PACRG: variants seen among roughly 807,000 people sequenced by gnomAD.
PACRG encodes parkin coregulated gene protein.
PACRG carries 29 observed loss-of-function variants against 29.7 expected under a neutral mutation model. The ratio of observed to expected loss-of-function variants is 0.98; its 90% CI spans 0.73 to 1.33. The LOEUF (loss-of-function observed/expected upper bound fraction) is 1.33, where lower values mean the gene tolerates loss of function less well. Among genes scored for constraint, PACRG ranks in the 40% most tolerant of loss-of-function variants. The pLI is 0.00. For missense variants in PACRG, 279 were observed against 316.2 expected (o/e 0.88, Z 0.89); for synonymous variants, 116 against 118.7 (o/e 0.98, Z 0.15).
intron 2 of PACRG, among the ~76,000 whole-genome samples, chr6:163,010,105 C>T (rs1054536864): frequency 2.0e-5 from 3 of 151,994 alleles, no homozygotes; most frequent in Non-Finnish European, 4.4e-5. Context: ...ACTGCGATTC[C>T]CTTAGCAACA....
chr6:162,773,494 ATTTTTTTTTTTTTTTTTTTT>A (rs71008110), intron 1 of PACRG, among the ~76,000 whole-genome samples: 9 of 66,000 alleles, frequency 1.4e-4, no homozygotes, highest in African/African-American at 3.3e-4. Flanking sequence ...ACAGCTTGTC[ATTTTTTTTTTTTTTTTTTTT>A]TTTTTTTTTT....
At chr6:162,979,875 A>T (rs574563640) in intron 2 of PACRG, among the ~76,000 whole-genome samples, 34 of 152,114 alleles carry the variant, frequency 2.2e-4, no homozygotes, top group Non-Finnish European at 4.1e-4. Flanking sequence ...TAAATAAAAT[A>T]AATTCACAGG....
chr6:162,754,547 C>A (rs895277618), intron 1 of PACRG, among the ~76,000 whole-genome samples: 1 of 151,948 alleles, frequency 6.6e-6, no homozygotes, highest in Non-Finnish European at 1.5e-5. Flanking sequence ...CTGCCCAGAC[C>A]AATGTTGTGG....
At chr6:162,970,586 A>G (rs1166473809) in intron 2 of PACRG, among the ~76,000 whole-genome samples, 2 of 152,156 alleles carry the variant, frequency 1.3e-5, no homozygotes, top group Non-Finnish European at 1.5e-5. Context: ...ATCGTGCCAA[A>G]TAGATATCAG....
At chr6:163,248,796 C>T (rs1393390830) in intron 4 of PACRG, among the ~76,000 whole-genome samples, 1 of 152,104 alleles carries the variant, frequency 6.6e-6, no homozygotes, top group Non-Finnish European at 1.5e-5. Flanking sequence ...GGCCAGATCA[C>T]GAGGTCAGGA....
intron 2 of PACRG, among the ~76,000 whole-genome samples, chr6:163,059,973 T>A (rs1810958317): frequency 6.6e-6 from 1 of 152,176 alleles, no homozygotes; most frequent in South Asian, 2.1e-4. Flanking sequence ...AAATTTAAGT[T>A]TGGAAATGTT....
At chr6:162,988,228 C>T (rs971766783) in intron 2 of PACRG, among the ~76,000 whole-genome samples, 1 of 152,092 alleles carries the variant, frequency 6.6e-6, no homozygotes, top group South Asian at 2.1e-4. Context: ...TCTCTGAGTC[C>T]AGGAGCAATT....
chr6:162,922,521 T>TAGCGG (rs957893503), intron 2 of PACRG, among the ~76,000 whole-genome samples: 6 of 152,032 alleles, frequency 3.9e-5, no homozygotes, highest in Non-Finnish European at 8.8e-5. Context: ...TCCTCCTATG[T>TAGCGG]AGCTATAATT....
At chr6:163,181,827 G>T (rs189620226) in intron 4 of PACRG, among the ~76,000 whole-genome samples, 1 of 152,064 alleles carries the variant, frequency 6.6e-6, no homozygotes, top group Non-Finnish European at 1.5e-5. Flanking sequence ...CAGCCAGCTC[G>T]GAATGGAAGG....
At chr6:163,148,802 C>G (rs1006380547) in intron 4 of PACRG, among the ~76,000 whole-genome samples, 2 of 152,128 alleles carry the variant, frequency 1.3e-5, no homozygotes, top group Non-Finnish European at 2.9e-5. Context: ...ATACCTTCCT[C>G]TCTCCTGAAC....
At chr6:163,126,653 G>A (rs556915144) in intron 4 of PACRG, among the ~76,000 whole-genome samples, 4 of 152,230 alleles carry the variant, frequency 2.6e-5, no homozygotes, top group Non-Finnish European at 5.9e-5. Context: ...GGGCACTGCA[G>A]AGGTGAAAAT....
chr6:162,865,751 A>G (rs1792241698), intron 2 of PACRG, among the ~76,000 whole-genome samples: 1 of 152,200 alleles, frequency 6.6e-6, no homozygotes, highest in Non-Finnish European at 1.5e-5. Context: ...GGCTCGAATT[A>G]ACTGGAACAT....
At chr6:163,156,628 G>T (rs146383337) in intron 4 of PACRG, among the ~76,000 whole-genome samples, 2,272 of 152,260 alleles carry the variant, frequency 0.015, 30 homozygotes, top group Non-Finnish European at 0.025. Context: ...ACAGAGTTGG[G>T]GGCCTAAAAC....
intron 4 of PACRG, among the ~76,000 whole-genome samples, chr6:163,110,686 C>G (rs1048069716): frequency 6.6e-6 from 1 of 152,236 alleles, no homozygotes; most frequent in Non-Finnish European, 1.5e-5. Context: ...CACACCTTCA[C>G]CTTCCTCTAG....
intron 1 of PACRG, among the ~76,000 whole-genome samples, chr6:162,736,430 T>A (rs1326930965): frequency 6.6e-6 from 1 of 152,176 alleles, no homozygotes; most frequent in Non-Finnish European, 1.5e-5. Context: ...CATTTCATGA[T>A]GGGAGCAAGA....
chr6:162,806,823 C>A (rs1486289264), intron 1 of PACRG, among the ~76,000 whole-genome samples: 1 of 152,146 alleles, frequency 6.6e-6, no homozygotes, highest in African/African-American at 2.4e-5. Context: ...GTCAGCCTGT[C>A]TTTTGAAACT....
chr6:163,252,574 CAGAGTCCGTGA>C (rs1662856528), intron 4 of PACRG, among the ~76,000 whole-genome samples: 1 of 152,304 alleles, frequency 6.6e-6, no homozygotes, highest in Non-Finnish European at 1.5e-5. Context: ...GCTCACCGTG[CAGAGTCCGTGA>C]CTGTCATCTT....
chr6:163,107,443 T>C (rs1815445058), intron 4 of PACRG, among the ~76,000 whole-genome samples: 1 of 152,210 alleles, frequency 6.6e-6, no homozygotes, highest in Non-Finnish European at 1.5e-5. Flanking sequence ...TGGATCCCAG[T>C]TGAGTGTCAA....
intron 4 of PACRG, among the ~76,000 whole-genome samples, chr6:163,160,676 T>G (rs1428381421): frequency 6.6e-6 from 1 of 152,190 alleles, no homozygotes; most frequent in Admixed American, 6.5e-5. Flanking sequence ...AGTAATTAAG[T>G]TAAACAGCTA....
Sources: allele counts gnomAD v4.1 joint callset (sites outside exome capture counted in the v4.1 genomes callset), GRCh38; gene constraint gnomAD v4.1.1; transcripts MANE v1.5; gene names NCBI Gene and HGNC (gene_info 2026-07-23, HGNC 2026-07-21).